VPS37A: variants seen among roughly 807,000 people sequenced by gnomAD.
The protein encoded by VPS37A is vacuolar protein sorting-associated protein 37A.
In VPS37A, 30 loss-of-function variants were observed where a neutral mutation model predicts 49.8. That is an observed-to-expected ratio of 0.60 (90% CI 0.45 to 0.82). The LOEUF (loss-of-function observed/expected upper bound fraction) is 0.82, where lower values mean the gene tolerates loss of function less well. Among genes scored for constraint, VPS37A ranks in the 40% least tolerant of loss-of-function variants. The probability of loss-of-function intolerance (pLI) is 0.00; values close to 1 mark genes in which losing one functional copy is unlikely to be tolerated. For missense variants in VPS37A, 593 were observed against 464.4 expected (o/e 1.28, Z -2.55); for synonymous variants, 195 against 160.6 (o/e 1.21, Z -1.62).
chr8:17,317,969 T>C, the VPS37A span, among the ~76,000 whole-genome samples: 1 of 152,244 alleles, frequency 6.6e-6, no homozygotes, highest in East Asian at 1.9e-4. Flanking sequence ...GGTAAGTTAT[T>C]ATATGTTGTG....
intron 2 of VPS37A, among the ~76,000 whole-genome samples, chr8:17,266,919 C>T (rs533274043): frequency 2.6e-5 from 4 of 152,124 alleles, no homozygotes; most frequent in East Asian, 1.9e-4. Flanking sequence ...ATTACAGGCA[C>T]GCCCCACCAT....
At chr8:17,330,427 T>C in the VPS37A span, among the ~76,000 whole-genome samples, 2 of 152,184 alleles carry the variant, frequency 1.3e-5, no homozygotes, top group African/African-American at 2.4e-5. Context: ...CCGGAAGTGG[T>C]AGACTACAGC....
chr8:17,257,854 A>C (rs1405601447), intron 1 of VPS37A, among the ~76,000 whole-genome samples: 1 of 151,880 alleles, frequency 6.6e-6, no homozygotes, highest in African/African-American at 2.4e-5. Context: ...TAGATGTTTC[A>C]CTTCTTAGGT....
the VPS37A span, among the ~76,000 whole-genome samples, chr8:17,321,473 C>A: frequency 6.6e-6 from 1 of 152,178 alleles, no homozygotes; most frequent in African/African-American, 2.4e-5. Context: ...AAGTTAACCA[C>A]TGAGAGGGTG....
At chr8:17,270,080 C>T (rs1813833053) in intron 4 of VPS37A, among the ~76,000 whole-genome samples, 1 of 151,968 alleles carries the variant, frequency 6.6e-6, no homozygotes, top group African/African-American at 2.4e-5. Flanking sequence ...ACAGTCAGAT[C>T]TCATGAGAAC....
chr8:17,267,896 C>G (rs1298930569), intron 2 of VPS37A, among the ~76,000 whole-genome samples: 1 of 152,124 alleles, frequency 6.6e-6, no homozygotes, highest in African/African-American at 2.4e-5. Context: ...CAATAAATAG[C>G]CAGACTGGAC....
chr8:17,255,214 T>A (rs1812328147), intron 1 of VPS37A, among the ~76,000 whole-genome samples: 1 of 152,194 alleles, frequency 6.6e-6, no homozygotes, highest in South Asian at 2.1e-4. Context: ...AGTGGCTCAC[T>A]GAGCGCCTGT....
downstream of VPS37A, chr8:17,302,234 G>C (rs938400103): frequency 1.2e-6 from 2 of 1,613,812 alleles, no homozygotes; most frequent in African/African-American, 1.3e-5. Context: ...ACTGACTGTC[G>C]GGGCTGCATC....
downstream of VPS37A, chr8:17,304,490 G>C: frequency 1.9e-6 from 3 of 1,613,918 alleles, no homozygotes; most frequent in Non-Finnish European, 2.5e-6. Flanking sequence ...CCACAGGTGA[G>C]CCCATAATGA....
At chr8:17,300,150 G>C, downstream of VPS37A, 5 of 1,614,108 alleles carry the variant, frequency 3.1e-6, no homozygotes, top group African/African-American at 1.3e-5. Flanking sequence ...AAAACCCTGA[G>C]TGCTTGCTGG....
the VPS37A span, among the ~76,000 whole-genome samples, chr8:17,310,539 C>A: frequency 2.6e-5 from 4 of 152,250 alleles, no homozygotes; most frequent in Admixed American, 2.0e-4. Context: ...CTGGCAACCT[C>A]TTTACTCTCC....
chr8:17,302,770 T>C (rs931371436), downstream of VPS37A, among the ~76,000 whole-genome samples: 2 of 125,596 alleles, frequency 1.6e-5, no homozygotes, highest in African/African-American at 6.0e-5. Context: ...CGAAGTGCAG[T>C]GGTGTGATAT....
At chr8:17,289,126 T>C (rs1289406243) in intron 11 of VPS37A, among the ~76,000 whole-genome samples, 5 of 152,226 alleles carry the variant, frequency 3.3e-5, no homozygotes, top group Non-Finnish European at 7.3e-5. Flanking sequence ...GATGGATAGA[T>C]TCCAGAAATT....
At chr8:17,300,097 C>G (rs570553080), downstream of VPS37A, 8 of 1,614,176 alleles carry the variant, frequency 5.0e-6, no homozygotes, top group African/African-American at 2.7e-5. Flanking sequence ...CATATTCCCA[C>G]TGTAATCCTG....
At chr8:17,323,145 A>C in the VPS37A span, among the ~76,000 whole-genome samples, 40,742 of 151,048 alleles carry the variant, frequency 0.27, 6,464 homozygotes, top group African/African-American at 0.43. Context: ...ATGGGGTTTC[A>C]CCATGTCGGA....
At chr8:17,279,993 G>A (rs1814889194) in intron 6 of VPS37A, 35 bp from the exon 7 acceptor site, 2 of 1,607,028 alleles carry the variant, frequency 1.2e-6, no homozygotes, top group Non-Finnish European at 1.7e-6. Flanking sequence ...CTCGATGTCT[G>A]ATATTTATTG....
At chr8:17,285,867 C>A (rs1815540007) in intron 10 of VPS37A, among the ~76,000 whole-genome samples, 2 of 152,124 alleles carry the variant, frequency 1.3e-5, no homozygotes, top group Admixed American at 6.6e-5. Flanking sequence ...TTTTTACATT[C>A]TAGAAGCTTG....
At chr8:17,301,294 T>G (rs13267905), downstream of VPS37A, among the ~76,000 whole-genome samples, 18,189 of 151,980 alleles carry the variant, frequency 0.12, 1,473 homozygotes, top group Non-Finnish European at 0.18. Context: ...AGGGATGAAG[T>G]GGTAAGGTTA....
At chr8:17,288,302 A>G (rs1467398801) in intron 11 of VPS37A, among the ~76,000 whole-genome samples, 1 of 152,172 alleles carries the variant, frequency 6.6e-6, no homozygotes, top group Non-Finnish European at 1.5e-5. Context: ...TACATGTGCC[A>G]TGATGGTTTG....
Sources: allele counts gnomAD v4.1 joint callset (sites outside exome capture counted in the v4.1 genomes callset), GRCh38; gene constraint gnomAD v4.1.1; transcripts MANE v1.5; gene names NCBI Gene and HGNC (gene_info 2026-07-23, HGNC 2026-07-21).